The following SLC14A2 variants were observed in gnomAD, a reference collection of about 807,000 sequenced individuals.
SLC14A2 encodes solute carrier family 14 member 2.
SLC14A2 carries 91 observed loss-of-function variants against 104.6 expected under a neutral mutation model. The observed-to-expected ratio is 0.87, with a 90% CI of 0.73 to 1.04. The LOEUF (loss-of-function observed/expected upper bound fraction) is 1.04. Among genes scored for constraint, SLC14A2 ranks in the 50% least tolerant of loss-of-function variants. SLC14A2 has a pLI of 0.00. For synonymous variants in SLC14A2, 476 were observed against 466.4 expected, an observed-to-expected ratio of 1.02 and a Z score of -0.27; for missense variants, 1,189 against 1,156.0, an observed-to-expected ratio of 1.03 and a Z score of -0.41.
At chr18:45,210,760 T>A (rs148715383), upstream of SLC14A2, among the ~76,000 whole-genome samples, 414 of 152,274 alleles carry the variant, frequency 2.7e-3, 4 homozygotes, top group African/African-American at 9.5e-3. Flanking sequence ...CCATTCAAAT[T>A]TCTGAGCCTG....
At chr18:45,560,833 C>G (rs889498891) in intron 2 of SLC14A2, among the ~76,000 whole-genome samples, 2 of 152,084 alleles carry the variant, frequency 1.3e-5, no homozygotes. Context: ...AGGAAGGGTC[C>G]CTTTTACCCC....
chr18:45,484,612 T>G (rs2087562657), intron 2 of SLC14A2, among the ~76,000 whole-genome samples: 2 of 152,312 alleles, frequency 1.3e-5, no homozygotes, highest in African/African-American at 4.8e-5. Context: ...AACAAGGTCC[T>G]AAAGATTCTA....
intron 1 of SLC14A2, among the ~76,000 whole-genome samples, chr18:45,258,701 A>G (rs2084505181): frequency 7.0e-6 from 1 of 143,328 alleles, no homozygotes; most frequent in Admixed American, 6.8e-5. Flanking sequence ...CTTATTTTCC[A>G]GTAACGTCAT....
chr18:45,209,763 A>G (rs2083947061), upstream of SLC14A2, among the ~76,000 whole-genome samples: 1 of 152,194 alleles, frequency 6.6e-6, no homozygotes, highest in African/African-American at 2.4e-5. Flanking sequence ...GAATCGAGAC[A>G]GCTATTTATT....
chr18:45,505,767 G>T (rs1297249825), intron 2 of SLC14A2, among the ~76,000 whole-genome samples: 1 of 152,072 alleles, frequency 6.6e-6, no homozygotes, highest in Non-Finnish European at 1.5e-5. Flanking sequence ...GTTATTTTTG[G>T]CCAGGTTTGG....
chr18:45,631,386 C>A (rs569040779), intron 4 of SLC14A2, among the ~76,000 whole-genome samples: 1 of 152,188 alleles, frequency 6.6e-6, no homozygotes, highest in Non-Finnish European at 1.5e-5. Flanking sequence ...GCCCCTCACC[C>A]GGCAGAGCAA....
chr18:45,189,363 G>T, the SLC14A2 span, among the ~76,000 whole-genome samples: 1 of 152,150 alleles, frequency 6.6e-6, no homozygotes, highest in Non-Finnish European at 1.5e-5. Context: ...AGGGTTGAAT[G>T]GGATAAGGCA....
At chr18:45,308,572 C>A (rs1327668004) in intron 1 of SLC14A2, among the ~76,000 whole-genome samples, 3 of 152,150 alleles carry the variant, frequency 2.0e-5, no homozygotes, top group Admixed American at 6.5e-5. Flanking sequence ...CGCTTTCCTC[C>A]CCTCGTTCAC....
chr18:45,665,033 A>G (rs2045993217), intron 11 of SLC14A2, among the ~76,000 whole-genome samples: 1 of 152,160 alleles, frequency 6.6e-6, no homozygotes, highest in Non-Finnish European at 1.5e-5. Context: ...CAGGCCTCCA[A>G]TTTCAAGGGA....
intron 1 of SLC14A2, among the ~76,000 whole-genome samples, chr18:45,365,909 C>T (rs1362482228): frequency 6.6e-6 from 1 of 150,818 alleles, no homozygotes; most frequent in Admixed American, 6.6e-5. Flanking sequence ...ATAAATTGTC[C>T]AATTAGCCAG....
At chr18:45,222,231 G>T (rs1028262096) in intron 1 of SLC14A2, among the ~76,000 whole-genome samples, 7 of 152,282 alleles carry the variant, frequency 4.6e-5, no homozygotes, top group Admixed American at 2.0e-4. Flanking sequence ...ATCCTGCCAG[G>T]TCAATTAGTT....
At chr18:45,563,903 G>A (rs931027937) in intron 2 of SLC14A2, among the ~76,000 whole-genome samples, 6 of 152,192 alleles carry the variant, frequency 3.9e-5, no homozygotes, top group African/African-American at 1.4e-4. Context: ...CCTCTGTCAA[G>A]TATCTTTCAC....
At chr18:45,478,296 G>T (rs553272819) in intron 1 of SLC14A2, among the ~76,000 whole-genome samples, 1 of 152,148 alleles carries the variant, frequency 6.6e-6, no homozygotes, top group Admixed American at 6.5e-5. Flanking sequence ...GCTTCTGCTC[G>T]CCCTAAATGG....
upstream of SLC14A2, among the ~76,000 whole-genome samples, chr18:45,614,517 C>T (rs1012934273): frequency 1.3e-5 from 2 of 152,146 alleles, no homozygotes; most frequent in East Asian, 3.9e-4. Context: ...CACCAGCCTG[C>T]GAAAGCAGCA....
intron 2 of SLC14A2, among the ~76,000 whole-genome samples, chr18:45,564,351 T>A: frequency 6.6e-6 from 1 of 152,202 alleles, no homozygotes; most frequent in Non-Finnish European, 1.5e-5. Flanking sequence ...ATGCTTCCAG[T>A]GCTGGGCTCT....
At chr18:45,475,649 A>AG (rs1568227882) in intron 1 of SLC14A2, among the ~76,000 whole-genome samples, 4 of 11,506 alleles carry the variant, frequency 3.5e-4, no homozygotes, top group Admixed American at 9.8e-4. Context: ...TAGGATATAT[A>AG]TATATATATA....
intron 1 of SLC14A2, among the ~76,000 whole-genome samples, chr18:45,340,287 A>T (rs1193876230): frequency 2.0e-5 from 3 of 152,208 alleles, no homozygotes; most frequent in Admixed American, 6.5e-5. Flanking sequence ...GCAGTTACTT[A>T]TCTGGACCTA....
chr18:45,291,266 G>A (rs975739477), intron 1 of SLC14A2, among the ~76,000 whole-genome samples: 3 of 152,032 alleles, frequency 2.0e-5, no homozygotes, highest in Admixed American at 6.6e-5. Flanking sequence ...CAAATTGGGA[G>A]ACTACTTCTC....
chr18:45,387,862 G>A (rs1242210850), intron 1 of SLC14A2, among the ~76,000 whole-genome samples: 1 of 152,082 alleles, frequency 6.6e-6, no homozygotes, highest in Non-Finnish European at 1.5e-5. Flanking sequence ...TGTCAAAAAT[G>A]CATGAAAGCC....
Sources: gnomAD v4.1 joint callset for allele counts (sites outside exome capture counted in the v4.1 genomes callset) on GRCh38, gnomAD v4.1.1 for gene constraint, MANE v1.5 for transcripts, NCBI Gene and HGNC (gene_info 2026-07-23, HGNC 2026-07-21) for gene names.